Variants in PPFIBP1 observed in about 807,000 individuals in gnomAD.
The protein encoded by PPFIBP1 is PPFIB scaffold protein 1.
In PPFIBP1, 112 loss-of-function variants were observed where a neutral mutation model predicts 137.8. The observed-to-expected ratio is 0.81, with a 90% CI of 0.70 to 0.95. PPFIBP1 has a LOEUF of 0.95. PPFIBP1 is among the 40% of genes least tolerant of loss of function. The pLI is 0.00. For missense variants in PPFIBP1, 1,083 were observed against 1,196.6 expected (o/e 0.91, Z 1.40); for synonymous variants, 378 against 417.3 (o/e 0.91, Z 1.15).
chr12:27,577,219 T>A, intron 1 of PPFIBP1, among the ~76,000 whole-genome samples: 1 of 152,140 alleles, frequency 6.6e-6, no homozygotes, highest in Non-Finnish European at 1.5e-5. Flanking sequence ...GAAGCTTTTT[T>A]TTTTTTTAAT....
chr12:27,526,956 A>G (rs1210869722), intron 1 of PPFIBP1, among the ~76,000 whole-genome samples: 2 of 152,194 alleles, frequency 1.3e-5, no homozygotes, highest in African/African-American at 4.8e-5. Context: ...GGCATCACTG[A>G]CATTTTTTTG....
intron 1 of PPFIBP1, among the ~76,000 whole-genome samples, chr12:27,541,075 C>G (rs935523402): frequency 6.6e-6 from 1 of 152,170 alleles, no homozygotes; most frequent in Non-Finnish European, 1.5e-5. Flanking sequence ...CAACTTTCCT[C>G]TGTCTATACT....
intron 1 of PPFIBP1, among the ~76,000 whole-genome samples, chr12:27,534,103 G>T (rs1944709011): frequency 6.6e-6 from 1 of 152,120 alleles, no homozygotes; most frequent in African/African-American, 2.4e-5. Flanking sequence ...TAGATAGCTT[G>T]GGTTTGAGGA....
intron 4 of PPFIBP1, among the ~76,000 whole-genome samples, chr12:27,638,591 G>A (rs2139197523): frequency 6.6e-6 from 1 of 152,252 alleles, no homozygotes; most frequent in South Asian, 2.1e-4. Context: ...TTATTGATAT[G>A]CCTGGTCAAA....
chr12:27,692,295 G>A (rs2140646565), intron 28 of PPFIBP1, among the ~76,000 whole-genome samples: 1 of 152,310 alleles, frequency 6.6e-6, no homozygotes, highest in Non-Finnish European at 1.5e-5. Flanking sequence ...GAATGGACAG[G>A]TTATTCTACC....
chr12:27,542,176 C>T (rs1945744310), intron 1 of PPFIBP1, among the ~76,000 whole-genome samples: 1 of 152,122 alleles, frequency 6.6e-6, no homozygotes, highest in Non-Finnish European at 1.5e-5. Flanking sequence ...AACCATACAA[C>T]AATAAAAATA....
At chr12:27,533,772 C>G (rs577264189) in intron 1 of PPFIBP1, among the ~76,000 whole-genome samples, 1 of 152,282 alleles carries the variant, frequency 6.6e-6, no homozygotes, top group Admixed American at 6.5e-5. Flanking sequence ...AGCAAGCATA[C>G]AGTCTTCAGG....
At chr12:27,634,280 A>G (rs890518000) in intron 3 of PPFIBP1, among the ~76,000 whole-genome samples, 3 of 151,414 alleles carry the variant, frequency 2.0e-5, no homozygotes, top group Non-Finnish European at 4.4e-5. Flanking sequence ...AGCAATCTTC[A>G]CACCTCAAGT....
In PPFIBP1 at chr12:27,660,940, GA is replaced by G. The variant is rs1236326697; in HGVS notation, c.905del (p.Lys302ArgfsTer5). ...AVESLMAANE[E>X]KDRKIEDLRQ... The stretch of plus-strand genomic sequence containing the variant: ...GGAGTCCTTGATGGCAGCAAATGAA[GA>G]AAAGGTATCCAGATGAAATTTAAAT... On this transcript the variant is annotated frameshift_variant, in exon 11 of 30. Transcript: ENST00000228425. LOFTEE classifies it high-confidence loss of function. 1 of 1,612,942 alleles carries G rather than the reference GA, an allele frequency of 6.2e-7. No homozygotes were observed. The highest frequency in any genetic ancestry group is 8.5e-7 in the Non-Finnish European group (1 of 1,179,590).
intron 2 of PPFIBP1, among the ~76,000 whole-genome samples, chr12:27,625,183 G>A (rs2056707510): frequency 6.6e-6 from 1 of 152,046 alleles, no homozygotes. Context: ...CAGAGAGGTT[G>A]AGGCTGCAGT....
intron 1 of PPFIBP1, among the ~76,000 whole-genome samples, chr12:27,539,733 G>C (rs1412196490): frequency 6.6e-6 from 1 of 151,882 alleles, no homozygotes; most frequent in Non-Finnish European, 1.5e-5. Context: ...GGTAATATAT[G>C]TATCTTATAG....
chr12:27,619,045 A>G (rs2056070204), intron 2 of PPFIBP1, among the ~76,000 whole-genome samples: 1 of 151,092 alleles, frequency 6.6e-6, no homozygotes, highest in Non-Finnish European at 1.5e-5. Context: ...GTGGGGAGAG[A>G]CAAGTGCTAT....
At chr12:27,641,042 C>T (rs7487981) in intron 4 of PPFIBP1, among the ~76,000 whole-genome samples, 47,659 of 152,020 alleles carry the variant, frequency 0.31, 7,738 homozygotes, top group South Asian at 0.43. Context: ...GACTGCGTGA[C>T]AATTTTAATA....
chr12:27,602,962 T>C (rs2054151120), intron 2 of PPFIBP1, among the ~76,000 whole-genome samples: 1 of 152,206 alleles, frequency 6.6e-6, no homozygotes, highest in East Asian at 1.9e-4. Flanking sequence ...TATTGCATGA[T>C]GGAACCAGTT....
At chr12:27,595,234 A>G (rs2053055304) in intron 2 of PPFIBP1, among the ~76,000 whole-genome samples, 1 of 152,248 alleles carries the variant, frequency 6.6e-6, no homozygotes, top group African/African-American at 2.4e-5. Context: ...GAATGCGTGC[A>G]CACGCGCGCG....
At chr12:27,635,436 T>C (rs747395799) in intron 4 of PPFIBP1, 9 of 489,488 alleles carry the variant, frequency 1.8e-5, no homozygotes, top group Middle Eastern at 5.3e-4. Context: ...ACATGATAGA[T>C]GATTTCTCAG....
chr12:27,611,875 C>G (rs1304823505), intron 2 of PPFIBP1, among the ~76,000 whole-genome samples: 1 of 151,916 alleles, frequency 6.6e-6, no homozygotes, highest in African/African-American at 2.4e-5. Context: ...GCAAATATGA[C>G]AGCAGTACCT....
rs372347651 is a variant in PPFIBP1 at position 27,561,171 on chromosome 12, G to A, written c.-123-16981G>A. On this transcript the variant is annotated intron_variant, in intron 1 of 29. Transcript: ENST00000228425. Reference sequence around the variant, plus strand: ...GGAGGGACCACTGGGTTTCTTTATGGAAGGGGAAGGGGTTTCTAGAGATAA... The same window carrying A: ...GGAGGGACCACTGGGTTTCTTTATGAAAGGGGAAGGGGTTTCTAGAGATAA... 9.8e-5 allele frequency among the ~76,000 whole-genome samples: 15 copies of A among 152,290 alleles called. No homozygotes were observed. In the East Asian group the frequency reaches 1.9e-3, roughly 20 times the overall value.
At chr12:27,613,827 T>C (rs1453856011) in intron 2 of PPFIBP1, among the ~76,000 whole-genome samples, 1 of 152,166 alleles carries the variant, frequency 6.6e-6, no homozygotes, top group Non-Finnish European at 1.5e-5. Context: ...CGAGGGACTT[T>C]CTTGTGTTTA....
Sources: allele counts gnomAD v4.1 joint callset (sites outside exome capture counted in the v4.1 genomes callset), GRCh38; gene constraint gnomAD v4.1.1; transcripts MANE v1.5; gene names NCBI Gene and HGNC (gene_info 2026-07-23, HGNC 2026-07-21).